The following DSCAM variants were observed in gnomAD, a reference collection of about 807,000 sequenced individuals.
DSCAM encodes the protein DS cell adhesion molecule.
In DSCAM, 47 loss-of-function variants were observed where a neutral mutation model predicts 217.7. The ratio of observed to expected loss-of-function variants is 0.22; its 90% CI spans 0.17 to 0.28. DSCAM has a LOEUF of 0.28. Ranked by LOEUF, DSCAM falls within the 10% of genes least tolerant of loss-of-function variation. DSCAM has a pLI of 1.00. For synonymous variants in DSCAM, 1,056 were observed against 1,015.3 expected, an observed-to-expected ratio of 1.04 and a Z score of -0.76; for missense variants, 2,080 against 2,618.3, an observed-to-expected ratio of 0.79 and a Z score of 4.49.
chr21:40,342,644 ATAT>A (rs1167015516), intron 6 of DSCAM, among the ~76,000 whole-genome samples: 1 of 89,324 alleles, frequency 1.1e-5, no homozygotes, highest in Admixed American at 1.4e-4. Context: ...ATATATATAT[ATAT>A]ATTTTTTTTT....
At chr21:40,103,094 G>T (rs1488751427) in intron 20 of DSCAM, among the ~76,000 whole-genome samples, 1 of 152,286 alleles carries the variant, frequency 6.6e-6, no homozygotes, top group Admixed American at 6.5e-5. Context: ...ATTTGAGTAC[G>T]ATAGGAAATA....
chr21:40,572,072 ATGTGTGTGTGTGGG>A (rs1187378316), intron 3 of DSCAM, among the ~76,000 whole-genome samples: 2 of 127,308 alleles, frequency 1.6e-5, no homozygotes, highest in East Asian at 2.4e-4. Flanking sequence ...GATACTCAAC[ATGTGTGTGTGTGGG>A]TGTGTGTGTG....
intron 1 of DSCAM, among the ~76,000 whole-genome samples, chr21:40,819,788 T>TTG (rs1236768610): frequency 6.6e-6 from 1 of 152,224 alleles, no homozygotes; most frequent in East Asian, 1.9e-4. Flanking sequence ...TCCACTCATA[T>TTG]TGTGCCTCAT....
intron 3 of DSCAM, among the ~76,000 whole-genome samples, chr21:40,584,256 T>C (rs149951226): frequency 1.3e-5 from 2 of 152,318 alleles, no homozygotes; most frequent in Non-Finnish European, 2.9e-5. Context: ...AACTCCAGTT[T>C]CAGAGCCCTA....
intron 3 of DSCAM, among the ~76,000 whole-genome samples, chr21:40,411,620 A>G (rs965820843): frequency 1.3e-5 from 2 of 152,204 alleles, no homozygotes; most frequent in Admixed American, 1.3e-4. Context: ...ACACTACTCA[A>G]CATAAGTTAT....
At chr21:40,356,363 T>C (rs55819061) in intron 4 of DSCAM, among the ~76,000 whole-genome samples, 12,979 of 147,680 alleles carry the variant, frequency 0.088, 681 homozygotes, top group East Asian at 0.21. Context: ...TGTGAGGCAA[T>C]AGATATGTTA....
intron 11 of DSCAM, among the ~76,000 whole-genome samples, chr21:40,266,637 A>T (rs5011521): frequency 3.3e-4 from 31 of 94,372 alleles, no homozygotes; most frequent in East Asian, 1.4e-3. Flanking sequence ...AAGATGTTTT[A>T]TATATATATA....
intron 3 of DSCAM, among the ~76,000 whole-genome samples, chr21:40,371,503 G>A (rs1354700407): frequency 6.6e-6 from 1 of 152,072 alleles, no homozygotes; most frequent in African/African-American, 2.4e-5. Flanking sequence ...TAGGCCATGA[G>A]TGGTGGCAAA....
At chr21:40,398,365 T>C (rs935139126) in intron 3 of DSCAM, among the ~76,000 whole-genome samples, 1 of 152,186 alleles carries the variant, frequency 6.6e-6, no homozygotes, top group Admixed American at 6.5e-5. Flanking sequence ...CAACAGACCT[T>C]GCAGTTTTCT....
At chr21:40,231,789 C>T (rs1196875552) in intron 11 of DSCAM, among the ~76,000 whole-genome samples, 1 of 152,166 alleles carries the variant, frequency 6.6e-6, no homozygotes, top group Non-Finnish European at 1.5e-5. Flanking sequence ...AGGAGTGAGC[C>T]ACCCAGCCTG....
chr21:40,109,474 A>G (rs1395863162), intron 20 of DSCAM, among the ~76,000 whole-genome samples: 1 of 152,242 alleles, frequency 6.6e-6, no homozygotes, highest in Non-Finnish European at 1.5e-5. Flanking sequence ...GCTCCAGTCT[A>G]CAGCTCCCAG....
chr21:40,831,408 G>A (rs906731379), intron 1 of DSCAM, among the ~76,000 whole-genome samples: 4 of 152,220 alleles, frequency 2.6e-5, no homozygotes, highest in Non-Finnish European at 4.4e-5. Context: ...AACTCTTTAA[G>A]ACGCATGTCC....
intron 27 of DSCAM, among the ~76,000 whole-genome samples, chr21:40,071,521 T>G (rs1172583449): frequency 1.3e-5 from 2 of 152,222 alleles, no homozygotes; most frequent in Admixed American, 1.3e-4. Context: ...TTCTAGCAAT[T>G]GAAAAATGTG....
intron 3 of DSCAM, among the ~76,000 whole-genome samples, chr21:40,467,823 G>A (rs368947721): frequency 1.5e-4 from 22 of 150,928 alleles, no homozygotes; most frequent in Non-Finnish European, 2.2e-4. Flanking sequence ...AAAATAAATC[G>A]TGGGACCCCA....
At chr21:40,075,644 A>G (rs1426909969) in intron 26 of DSCAM, among the ~76,000 whole-genome samples, 4 of 152,200 alleles carry the variant, frequency 2.6e-5, no homozygotes, top group Admixed American at 1.3e-4. Flanking sequence ...GTGTGCAGGG[A>G]GAGGGTCCTA....
chr21:40,537,024 G>A (rs1430627731), intron 3 of DSCAM, among the ~76,000 whole-genome samples: 1 of 152,040 alleles, frequency 6.6e-6, no homozygotes, highest in Non-Finnish European at 1.5e-5. Flanking sequence ...GGATGAAAAG[G>A]CAGAGGATTT....
chr21:40,669,458 C>A (rs2090243523), intron 3 of DSCAM, among the ~76,000 whole-genome samples: 1 of 152,150 alleles, frequency 6.6e-6, no homozygotes, highest in African/African-American at 2.4e-5. Context: ...TAGAAATTAA[C>A]AGAACAGACC....
intron 27 of DSCAM, among the ~76,000 whole-genome samples, chr21:40,072,521 T>C (rs2089308793): frequency 6.6e-6 from 1 of 152,016 alleles, no homozygotes; most frequent in African/African-American, 2.4e-5. Context: ...TAATTTTTTT[T>C]GTATTTTTAG....
chr21:40,293,356 T>C (rs1389980650), intron 10 of DSCAM, among the ~76,000 whole-genome samples: 1 of 152,090 alleles, frequency 6.6e-6, no homozygotes, highest in Non-Finnish European at 1.5e-5. Flanking sequence ...ACACTATAGC[T>C]TGGTGGCCAT....
Sources: allele counts gnomAD v4.1 joint callset (sites outside exome capture counted in the v4.1 genomes callset), GRCh38; gene constraint gnomAD v4.1.1; transcripts MANE v1.5; gene names NCBI Gene and HGNC (gene_info 2026-07-23, HGNC 2026-07-21).